ANKMY2: variants seen among roughly 807,000 people sequenced by gnomAD.
ANKMY2 encodes ankyrin repeat and MYND domain-containing protein 2.
Under a neutral mutation model 50.4 loss-of-function variants are expected in ANKMY2, and 36 were observed. That is an observed-to-expected ratio of 0.71 (90% CI 0.55 to 0.94). The LOEUF is 0.94. Ranked by LOEUF, ANKMY2 falls within the 40% of genes least tolerant of loss-of-function variation. The pLI, the probability that ANKMY2 is intolerant of heterozygous loss-of-function variation, is 0.00. For synonymous variants in ANKMY2, 187 were observed against 178.8 expected, an observed-to-expected ratio of 1.05 and a Z score of -0.36; for missense variants, 565 against 524.0, an observed-to-expected ratio of 1.08 and a Z score of -0.76.
intron 1 of ANKMY2, among the ~76,000 whole-genome samples, chr7:16,644,451 G>A (rs1781788844): frequency 6.6e-6 from 1 of 152,198 alleles, no homozygotes; most frequent in Non-Finnish European, 1.5e-5. Flanking sequence ...TCGCTATGAA[G>A]AATAAATCTG....
At position 16,602,490 on chromosome 7, in the gene ANKMY2, GTTTGATCACAAT is replaced by G; in HGVS notation, c.1019_1030del (p.Tyr340_Thr344delinsSer). The G allele has an allele frequency of 6.2e-7, 1 of 1,612,892 alleles. No homozygotes were observed. Among genetic ancestry groups the G allele is most frequent in the Non-Finnish European group, 8.5e-7 (1 of 1,179,696 alleles). On this transcript the variant is annotated inframe_deletion, in exon 9 of 10. Transcript: ENST00000306999. ...AGTAAACCAGTGTGTTTTCTGGCAG[GTTTGATCACAAT>G]ATATTACCTGAAAGCAATTGTTGGT... is the stretch of plus-strand genomic sequence containing the variant.
At chr7:16,604,218 C>G (rs144068072) in intron 8 of ANKMY2, among the ~76,000 whole-genome samples, 2 of 152,258 alleles carry the variant, frequency 1.3e-5, no homozygotes, top group East Asian at 3.9e-4. Context: ...ATCAGATATG[C>G]CTTTTACAAA....
intron 2 of ANKMY2, among the ~76,000 whole-genome samples, chr7:16,635,522 A>G (rs1475700945): frequency 6.6e-6 from 1 of 152,204 alleles, no homozygotes; most frequent in African/African-American, 2.4e-5. Context: ...TTATACCTCA[A>G]TAAAGCTGCT....
intron 5 of ANKMY2, among the ~76,000 whole-genome samples, chr7:16,614,192 G>A (rs1781304424): frequency 6.6e-6 from 1 of 152,204 alleles, no homozygotes; most frequent in South Asian, 2.1e-4. Flanking sequence ...AGAGGTCAAT[G>A]CTTCTCTTGG....
chr7:16,628,859 C>T lies in ANKMY2; in HGVS notation c.133-1681G>A, dbSNP rs1338677057. ...AATCCAACCTACAACAAGAGGTTATCTAGCTCTGAGAATGAATAATCCCCA... is the reference window on the plus strand; with the variant it reads ...AATCCAACCTACAACAAGAGGTTATTTAGCTCTGAGAATGAATAATCCCCA... On this transcript the variant is annotated intron_variant, in intron 2 of 9. Transcript: ENST00000306999. Among the ~76,000 whole-genome samples the T allele has an allele frequency of 2.0e-5, 3 of 152,122 alleles. No homozygotes were observed. The East Asian group carries it at 5.8e-4, about 29-fold the overall frequency.
At chr7:16,627,007 G>T in intron 3 of ANKMY2, 33 bp downstream of exon 3, 1 of 1,535,006 alleles carries the variant, frequency 6.5e-7, no homozygotes, top group Non-Finnish European at 8.8e-7. Context: ...AGTTTGTATA[G>T]GTAACTTATA....
chr7:16,621,672 C>G (rs1485014190), intron 4 of ANKMY2, among the ~76,000 whole-genome samples: 1 of 152,022 alleles, frequency 6.6e-6, no homozygotes, highest in Non-Finnish European at 1.5e-5. Context: ...AAAAATATGA[C>G]TACTTAAAAA....
chr7:16,623,543 G>C (rs1048892227), intron 4 of ANKMY2, among the ~76,000 whole-genome samples: 2 of 152,132 alleles, frequency 1.3e-5, no homozygotes, highest in African/African-American at 4.8e-5. Flanking sequence ...TAGAAGTTCA[G>C]AGATCACCTA....
intron 1 of ANKMY2, among the ~76,000 whole-genome samples, chr7:16,641,892 AT>A (rs904527982): frequency 6.6e-6 from 1 of 152,200 alleles, no homozygotes; most frequent in Non-Finnish European, 1.5e-5. Context: ...TTGCCTGCAG[AT>A]GGGGGTGAAG....
chr7:16,617,416 C>T (rs1320642319), intron 4 of ANKMY2, among the ~76,000 whole-genome samples: 2 of 152,150 alleles, frequency 1.3e-5, no homozygotes, highest in South Asian at 2.1e-4. Flanking sequence ...AGGTACAGAA[C>T]AAGGTACGTA....
At chr7:16,628,787 T>A (rs12535025) in intron 2 of ANKMY2, among the ~76,000 whole-genome samples, 122,463 of 151,942 alleles carry the variant, frequency 0.81, 49,584 homozygotes, top group Admixed American at 0.85. Flanking sequence ...TCATGGAGTT[T>A]GTTTTTTTCT....
At chr7:16,624,017 C>T (rs2286221) in intron 4 of ANKMY2, among the ~76,000 whole-genome samples, 26,821 of 151,986 alleles carry the variant, frequency 0.18, 2,650 homozygotes, top group Middle Eastern at 0.25. Context: ...TTGAATTGGA[C>T]AGATCCTCCT....
chr7:16,631,549 T>G (rs1352177154), intron 2 of ANKMY2, among the ~76,000 whole-genome samples: 1 of 152,178 alleles, frequency 6.6e-6, no homozygotes, highest in Non-Finnish European at 1.5e-5. Flanking sequence ...GGTAGGAGAT[T>G]TAAAAATATT....
Position 16,604,790 on chromosome 7 carries a change from A to G in ANKMY2, c.942T>C (p.Phe314=), listed in dbSNP as rs1255450459. Reference sequence around the variant, plus strand: ...AGGTAGTGCAAAATTCCACATCCACAAAACCCACCTGGCCAGTGATGGCTT... The same window carrying G: ...AGGTAGTGCAAAATTCCACATCCACGAAACCCACCTGGCCAGTGATGGCTT... The part of the protein sequence containing the change: ...LTQAITGQVG[F]VDVEFCTTCG... Residue 314 remains phenylalanine, a synonymous_variant, in exon 8 of 10, where the codon TTT becomes TTC. Transcript: ENST00000306999. 1.2e-6 allele frequency: 2 copies of G among 1,613,984 alleles called. No homozygotes were observed. The highest frequency in any genetic ancestry group is 1.7e-6 in the Non-Finnish European group (2 of 1,179,984).
At chr7:16,635,016 T>C (rs1369461273) in intron 2 of ANKMY2, among the ~76,000 whole-genome samples, 1 of 152,056 alleles carries the variant, frequency 6.6e-6, no homozygotes, top group Non-Finnish European at 1.5e-5. Flanking sequence ...AGATAAATCA[T>C]TCAAAAGAAA....
At chr7:16,634,831 T>C (rs1304912975) in intron 2 of ANKMY2, among the ~76,000 whole-genome samples, 2 of 152,000 alleles carry the variant, frequency 1.3e-5, no homozygotes, top group Admixed American at 1.3e-4. Flanking sequence ...AAACTAGAAC[T>C]GAAATAATCA....
intron 4 of ANKMY2, among the ~76,000 whole-genome samples, chr7:16,620,851 G>C (rs949665748): frequency 2.0e-5 from 3 of 152,024 alleles, no homozygotes; most frequent in African/African-American, 7.2e-5. Flanking sequence ...TGAGCAAACA[G>C]ATCATTGACA....
intron 4 of ANKMY2, among the ~76,000 whole-genome samples, chr7:16,617,917 G>GTTTTTTTTTTTTTTTTTTTT (rs780533044): frequency 1.8e-5 from 2 of 110,882 alleles, no homozygotes; most frequent in Non-Finnish European, 1.8e-5. Flanking sequence ...CAGTGAGCGT[G>GTTTTTTTTTTTTTTTTTTTT]TTTTTTTTTT....
intron 1 of ANKMY2, among the ~76,000 whole-genome samples, chr7:16,642,960 C>T (rs1781764951): frequency 6.6e-6 from 1 of 152,168 alleles, no homozygotes; most frequent in African/African-American, 2.4e-5. Flanking sequence ...TCTGCTCTGC[C>T]ACTTTCTGCC....
Sources: gnomAD v4.1 joint callset for allele counts (sites outside exome capture counted in the v4.1 genomes callset) on GRCh38, gnomAD v4.1.1 for gene constraint, MANE v1.5 for transcripts, NCBI Gene and HGNC (gene_info 2026-07-23, HGNC 2026-07-21) for gene names.